The following SPOCK3 variants were observed in gnomAD, a reference collection of about 807,000 sequenced individuals.
SPOCK3 encodes SPARC (osteonectin), cwcv and kazal like domains proteoglycan 3.
A neutral mutation model predicts 56.6 loss-of-function variants in SPOCK3; 30 were observed. The observed-to-expected ratio is 0.53, with a 90% CI of 0.40 to 0.72. The LOEUF is 0.72. Ranked by LOEUF, SPOCK3 falls within the 30% of genes least tolerant of loss-of-function variation. SPOCK3 has a pLI of 0.00. For synonymous variants in SPOCK3, 196 were observed against 183.3 expected, an observed-to-expected ratio of 1.07 and a Z score of -0.56; for missense variants, 527 against 530.0, an observed-to-expected ratio of 0.99 and a Z score of 0.06.
chr4:166,841,020 C>T (rs192443375), intron 6 of SPOCK3, among the ~76,000 whole-genome samples: 7 of 152,036 alleles, frequency 4.6e-5, no homozygotes, highest in South Asian at 2.1e-4. Flanking sequence ...CCTCATGATC[C>T]GCCAGCCTCA....
intron 6 of SPOCK3, among the ~76,000 whole-genome samples, chr4:166,860,930 AAC>A (rs1731190576): frequency 6.6e-6 from 1 of 150,902 alleles, no homozygotes; most frequent in Admixed American, 6.6e-5. Flanking sequence ...GGAACACTAT[AAC>A]GTCTGGAATA....
chr4:167,023,227 T>C (rs571469167), intron 3 of SPOCK3, among the ~76,000 whole-genome samples: 62 of 152,084 alleles, frequency 4.1e-4, no homozygotes, highest in Non-Finnish European at 7.9e-4. Flanking sequence ...GGGACCATTT[T>C]GCATCTTGGA....
At chr4:166,949,556 A>T (rs996364927) in intron 4 of SPOCK3, among the ~76,000 whole-genome samples, 1 of 152,038 alleles carries the variant, frequency 6.6e-6, no homozygotes, top group Non-Finnish European at 1.5e-5. Context: ...TTTCCTTCTA[A>T]CAGACAGGAC....
intron 4 of SPOCK3, among the ~76,000 whole-genome samples, chr4:166,979,207 T>G (rs1332855656): frequency 6.6e-6 from 1 of 152,106 alleles, no homozygotes; most frequent in Admixed American, 6.6e-5. Context: ...GAGCTCCTCT[T>G]CCTACCCAGA....
intron 2 of SPOCK3, among the ~76,000 whole-genome samples, chr4:167,132,178 C>T (rs1424886712): frequency 6.6e-6 from 1 of 152,178 alleles, no homozygotes; most frequent in South Asian, 2.1e-4. Flanking sequence ...TATCCCTTCT[C>T]TTAAAAATCA....
chr4:166,764,338 C>G (rs538284552), intron 7 of SPOCK3, among the ~76,000 whole-genome samples: 212 of 152,140 alleles, frequency 1.4e-3, no homozygotes, highest in African/African-American at 4.8e-3. Flanking sequence ...TTTCCCTCCC[C>G]CCTCTCCCCA....
chr4:167,069,421 G>A (rs962200556), intron 2 of SPOCK3, among the ~76,000 whole-genome samples: 4 of 151,900 alleles, frequency 2.6e-5, no homozygotes, highest in Non-Finnish European at 5.9e-5. Flanking sequence ...TCACTTTAGA[G>A]ACTCAAAGTG....
intron 4 of SPOCK3, among the ~76,000 whole-genome samples, chr4:166,928,993 A>AAC (rs1561020435): frequency 6.6e-6 from 1 of 150,542 alleles, no homozygotes; most frequent in African/African-American, 2.5e-5. Flanking sequence ...ACAACAACAA[A>AAC]AACTATGGAC....
At chr4:167,136,561 GATCT>G (rs1561254900) in intron 2 of SPOCK3, among the ~76,000 whole-genome samples, 3 of 152,034 alleles carry the variant, frequency 2.0e-5, no homozygotes, top group Non-Finnish European at 2.9e-5. Context: ...CAACAATAAA[GATCT>G]ATCAGTCAAA....
At position 167,086,166 on chromosome 4, in the gene SPOCK3, T is replaced by C. The variant is rs181830489; in HGVS notation, c.190-23629A>G. Among the ~76,000 whole-genome samples the C allele has an allele frequency of 7.9e-4, 120 of 152,240 alleles. 1 individual carries two copies. The highest frequency in any genetic ancestry group is 1.3e-4 in the Non-Finnish European group (9 of 67,970). ...GATAATAAAATAGCGAAATTTTACT[T>C]AGCTTATTGATTTTAATGTTTTCTG... On this transcript the variant is annotated intron_variant, in intron 2 of 10. Coordinates refer to ENST00000357545, the MANE Select transcript of SPOCK3 (RefSeq NM_001040159.2).
chr4:167,012,678 CTTTCA>C (rs1750204617), intron 3 of SPOCK3, among the ~76,000 whole-genome samples: 1 of 151,928 alleles, frequency 6.6e-6, no homozygotes, highest in Non-Finnish European at 1.5e-5. Flanking sequence ...ACATAGCCAT[CTTTCA>C]TTTGTTAAAA....
intron 3 of SPOCK3, chr4:167,011,196 CAA>C: frequency 2.5e-6 from 1 of 407,548 alleles, no homozygotes; most frequent in Non-Finnish European, 5.0e-6. Context: ...GTAAAAAATA[CAA>C]AAAAAAATGC....
chr4:167,195,279 C>A (rs564593852), intron 2 of SPOCK3, among the ~76,000 whole-genome samples: 11 of 152,256 alleles, frequency 7.2e-5, no homozygotes, highest in African/African-American at 2.4e-4. Context: ...TTTGGGTTAC[C>A]CCTTGTCCCA....
At chr4:166,880,335 C>A (rs1314024716) in intron 6 of SPOCK3, among the ~76,000 whole-genome samples, 2 of 152,138 alleles carry the variant, frequency 1.3e-5, no homozygotes, top group African/African-American at 2.4e-5. Context: ...ACTGTTCTCT[C>A]CTGTTTCTCC....
intron 7 of SPOCK3, among the ~76,000 whole-genome samples, chr4:166,791,020 T>G (rs17052600): frequency 0.068 from 10,299 of 152,154 alleles, 1,079 homozygotes; most frequent in African/African-American, 0.22. Context: ...TGCCAAAAAA[T>G]TAACCAATAA....
intron 7 of SPOCK3, 58 bp from the exon 8 acceptor site, chr4:166,754,787 G>A: frequency 6.4e-7 from 1 of 1,552,298 alleles, no homozygotes; most frequent in African/African-American, 1.4e-5. Flanking sequence ...TTAGCAGAAA[G>A]CAAAATAAGT....
At chr4:167,035,806 C>A (rs1752698654) in intron 3 of SPOCK3, among the ~76,000 whole-genome samples, 1 of 152,168 alleles carries the variant, frequency 6.6e-6, no homozygotes, top group African/African-American at 2.4e-5. Context: ...AATACAACAG[C>A]CAGTTAAAAC....
intron 7 of SPOCK3, among the ~76,000 whole-genome samples, chr4:166,762,961 C>T (rs1011208216): frequency 3.9e-5 from 6 of 151,956 alleles, no homozygotes; most frequent in South Asian, 2.1e-4. Context: ...GAAGAATACT[C>T]GAAGTGTGGG....
chr4:166,870,064 G>T (rs541922877), intron 6 of SPOCK3, among the ~76,000 whole-genome samples: 7 of 152,154 alleles, frequency 4.6e-5, no homozygotes, highest in African/African-American at 1.7e-4. Flanking sequence ...AGAAGGAAAG[G>T]AAGTGTGGCT....
Sources: allele counts gnomAD v4.1 joint callset (sites outside exome capture counted in the v4.1 genomes callset), GRCh38; gene constraint gnomAD v4.1.1; transcripts MANE v1.5; gene names NCBI Gene and HGNC (gene_info 2026-07-23, HGNC 2026-07-21).